Variants in IFT172 observed in about 807,000 individuals in gnomAD.
The protein encoded by IFT172 is intraflagellar transport 172.
In IFT172, 164 loss-of-function variants were observed where a neutral mutation model predicts 248.9. That is an observed-to-expected ratio of 0.66 (90% CI 0.58 to 0.75). IFT172 has a LOEUF of 0.75. Ranked by LOEUF, IFT172 falls within the 30% of genes least tolerant of loss-of-function variation. The probability of loss-of-function intolerance (pLI) is 0.00; values close to 1 mark genes in which losing one functional copy is unlikely to be tolerated. For missense variants in IFT172, 1,950 were observed against 2,192.4 expected, an observed-to-expected ratio of 0.89 and a Z score of 2.21; for synonymous variants, 729 against 791.6, an observed-to-expected ratio of 0.92 and a Z score of 1.33.
intron 23 of IFT172, 149 bp from the exon 24 acceptor site, chr2:27,459,978 G>A: frequency 2.0e-6 from 2 of 1,018,966 alleles, no homozygotes; most frequent in Non-Finnish European, 2.9e-6. Context: ...GCACCAAGAG[G>A]TGTGGGGAAA....
intron 12 of IFT172, 26 bp from the exon 13 acceptor site, chr2:27,477,346 G>C (rs1244180999): frequency 1.3e-6 from 2 of 1,589,016 alleles, no homozygotes; most frequent in African/African-American, 1.3e-5. Flanking sequence ...TTGTTATACG[G>C]TGGAAAGGCT....
intron 18 of IFT172, 82 bp downstream of exon 18, chr2:27,465,329 A>G: frequency 8.6e-7 from 1 of 1,156,928 alleles, no homozygotes; most frequent in Admixed American, 1.7e-5. Context: ...TTAACACCGG[A>G]TTGGAGTAGC....
chr2:27,459,875 G>A (rs369397678), intron 23 of IFT172, 46 bp from the exon 24 acceptor site: 2 of 1,600,948 alleles, frequency 1.2e-6, no homozygotes, highest in African/African-American at 2.7e-5. Flanking sequence ...CCAGGGATGG[G>A]CCTCAGGAAA....
intron 35 of IFT172, among the ~76,000 whole-genome samples, chr2:27,452,569 T>A (rs1665769217): frequency 6.6e-6 from 1 of 152,242 alleles, no homozygotes; most frequent in Non-Finnish European, 1.5e-5. Flanking sequence ...ACCTAGATGG[T>A]ATAGTCTACT....
At chr2:27,463,913 A>G (rs1274723992) in intron 18 of IFT172, among the ~76,000 whole-genome samples, 1 of 152,132 alleles carries the variant, frequency 6.6e-6, no homozygotes, top group Non-Finnish European at 1.5e-5. Context: ...AGGCCAAAAA[A>G]CTTCAGGGCT....
Position 27,449,746 on chromosome 2 carries a change from T to C in IFT172, c.4105A>G (p.Ile1369Val). ...DLVKEAIDAF[I>V]EGEEWNKAKR... is the part of the protein sequence containing the mutation. Reference sequence around the variant, plus strand: ...GCCTTGTTCCACTCCTCACCCTCGATGAAAGCATCGATTGCTTCCTTGACA... The same window carrying C: ...GCCTTGTTCCACTCCTCACCCTCGACGAAAGCATCGATTGCTTCCTTGACA... Residue 1369 changes from isoleucine (I) to valine (V), a missense_variant, in exon 37 of 48, where the codon ATC (isoleucine) becomes GTC (valine). Transcript: ENST00000260570. 2 of 1,614,148 alleles carry C rather than the reference T, an allele frequency of 1.2e-6. No homozygotes were observed. Among genetic ancestry groups the C allele is most frequent in the Non-Finnish European group, 1.7e-6 (2 of 1,179,992 alleles).
At chr2:27,483,463 CTG>C (rs1456222211) in intron 6 of IFT172, 87 bp from the exon 7 acceptor site, 20 of 1,391,966 alleles carry the variant, frequency 1.4e-5, no homozygotes, top group Non-Finnish European at 2.0e-5. Flanking sequence ...ACAACCTTGT[CTG>C]TGCTTCCTGC....
In IFT172 at chr2:27,446,277, C is replaced by T; in HGVS notation, c.4738G>A (p.Ala1580Thr). 1.9e-6 allele frequency: 3 copies of T among 1,614,224 alleles called. No individual in the cohort carries two copies. The highest frequency in any genetic ancestry group is 1.3e-5 in the African/African-American group (1 of 75,068). The change falls in exon 43 of 48, where the codon GCA becomes ACA. Residue 1580 changes from alanine (A) to threonine (T), a missense_variant. By Grantham distance (58) the Ala-to-Thr change is moderately conservative. Transcript: ENST00000260570. ...LLPVDKAFYE[A>T]GIAAKAVGWD... is the part of the protein sequence containing the mutation. ...CAGCTCACCTTGGCAGCAATGCCTG[C>T]TTCATAGAAGGCTTTGTCTACAGGT... is the stretch of plus-strand genomic sequence containing the variant.
Position 27,454,959 on chromosome 2 carries a change from C to G in IFT172, c.3372-299G>C, listed in dbSNP as rs1477379219. 6.6e-6 allele frequency among the ~76,000 whole-genome samples: 1 copy of G among 152,128 alleles called. No individual in the cohort carries two copies. The highest frequency in any genetic ancestry group is 1.5e-5 in the Non-Finnish European group (1 of 68,026). The stretch of plus-strand genomic sequence containing the variant: ...TGCGAAGGGGAAGGGAGGAGTGAGC[C>G]TCGCAGCCCTACACTGACAGGGCTA... On this transcript the variant is annotated intron_variant, in intron 30 of 47. Coordinates refer to ENST00000260570, the MANE Select transcript of IFT172 (RefSeq NM_015662.3). This position sits in a 1 kb window ranked among gnomAD's most constrained non-coding sequence, Gnocchi z 4.2.
At chr2:27,446,184 C>CA in intron 43 of IFT172, 76 bp downstream of exon 43, 1 of 1,463,930 alleles carries the variant, frequency 6.8e-7, no homozygotes, top group South Asian at 1.2e-5. Flanking sequence ...TTTCCTCTAC[C>CA]AGAGCAGAAG....
chr2:27,481,046 C>A lies in IFT172; in HGVS notation c.785G>T (p.Arg262Met), dbSNP rs1235295289. The change falls in exon 8 of 48, where the codon AGG (arginine) becomes ATG (methionine). Residue 262 changes from arginine to methionine, a missense_variant and splice_region_variant. Coordinates refer to ENST00000260570, the MANE Select transcript of IFT172 (RefSeq NM_015662.3). ...GQSVVLGSYD[R>M]LRVFNWIPRR... ...AGATAAAACTGGAAAGGGGACTTAC[C>A]TGTCATAACTTCCTAGCACAACAGA... 7 of 1,612,164 alleles carry A rather than the reference C, an allele frequency of 4.3e-6. No homozygotes were observed. Among genetic ancestry groups the A allele is most frequent in the Non-Finnish European group, 5.9e-6 (7 of 1,178,482 alleles).
intron 35 of IFT172, 138 bp downstream of exon 35, chr2:27,453,246 C>T (rs1459828385): frequency 2.6e-6 from 3 of 1,138,348 alleles, no homozygotes; most frequent in East Asian, 2.3e-5. Flanking sequence ...TATCATCCAG[C>T]AGGCACTCCA....
chr2:27,483,842 C>G (rs749845671), intron 5 of IFT172, 30 bp downstream of exon 5: 1 of 1,569,168 alleles, frequency 6.4e-7, no homozygotes, highest in Non-Finnish European at 8.8e-7. Context: ...CCTACCACCC[C>G]CTCTCTTGTG....
Position 27,450,104 on chromosome 2 carries a change from GT to G in IFT172, c.3952-9del, listed in dbSNP as rs1665525762. 1 of 1,604,420 alleles carries G rather than the reference GT, an allele frequency of 6.2e-7. No individual in the cohort carries two copies. The highest frequency in any genetic ancestry group is 1.3e-5 in the African/African-American group (1 of 74,728). On this transcript the variant is annotated splice_polypyrimidine_tract_variant and intron_variant, in intron 35 of 47. Coordinates refer to ENST00000260570, the MANE Select transcript of IFT172 (RefSeq NM_015662.3). The stretch of plus-strand genomic sequence containing the variant: ...GATGGAGAGTTCAGCTGCCTGAGTG[GT>G]TGAACAGAAGATGGAAATGGGTAGG...
chr2:27,464,816 C>T (rs1307830181), intron 18 of IFT172, among the ~76,000 whole-genome samples: 1 of 152,026 alleles, frequency 6.6e-6, no homozygotes, highest in Non-Finnish European at 1.5e-5. Context: ...TGAGGTTTTG[C>T]CATGTTGGCC....
At chr2:27,456,728 A>G in intron 29 of IFT172, 75 bp from the exon 30 acceptor site, 1 of 1,555,370 alleles carries the variant, frequency 6.4e-7, no homozygotes, top group Non-Finnish European at 8.7e-7. Context: ...GGCTTTGACA[A>G]GGATCCAGTA....
In IFT172 at chr2:27,446,029, G is replaced by T. The variant is rs190647362; in HGVS notation, c.4756-41C>A. On this transcript the variant is annotated intron_variant, in intron 43 of 47. Coordinates refer to ENST00000260570, the MANE Select transcript of IFT172 (RefSeq NM_015662.3). ...GTTGCAAATGGGAGTGAACAAGCTG[G>T]GTTTGAATGCTACTTCTCTGGGATC... is the stretch of plus-strand genomic sequence containing the variant. The T allele has an allele frequency of 3.6e-4, 579 of 1,609,976 alleles. No homozygotes were observed. The African/African-American group carries it at 7.1e-3, about 20-fold the overall frequency.
At chr2:27,460,833 G>A (rs1481851953) in intron 23 of IFT172, among the ~76,000 whole-genome samples, 182 bp downstream of exon 23, 8 of 141,282 alleles carry the variant, frequency 5.7e-5, no homozygotes, top group East Asian at 2.1e-4. Flanking sequence ...CTGGTTCCCC[G>A]GGTCCCCTTA....
chr2:27,482,920 G>A (rs1044859218), intron 7 of IFT172, among the ~76,000 whole-genome samples: 2 of 150,054 alleles, frequency 1.3e-5, no homozygotes, highest in Non-Finnish European at 3.0e-5. Context: ...TCCTCTCTTA[G>A]TATCTCAATC....
Sources: gnomAD v4.1 joint callset for allele counts (sites outside exome capture counted in the v4.1 genomes callset) on GRCh38, gnomAD v4.1.1 for gene constraint, Gnocchi (gnomAD v3.1) non-coding constraint, MANE v1.5 for transcripts, NCBI Gene and HGNC (gene_info 2026-07-23, HGNC 2026-07-21) for gene names.